CNTNAP4: variants seen among roughly 807,000 people sequenced by gnomAD.
CNTNAP4 encodes the protein contactin associated protein family member 4, also known as contactin-associated protein-like 4.
Under a neutral mutation model 148.4 loss-of-function variants are expected in CNTNAP4, and 98 were observed. The observed-to-expected ratio is 0.66, with a 90% CI of 0.56 to 0.78. CNTNAP4 has a LOEUF of 0.78. CNTNAP4 is among the 30% of genes least tolerant of loss of function. CNTNAP4 has a pLI of 0.00. For synonymous variants in CNTNAP4, 730 were observed against 565.1 expected (o/e 1.29, Z -4.14); for missense variants, 1,935 against 1,565.6 (o/e 1.24, Z -3.98).
chr16:76,325,592 A>G (rs1223640489), intron 2 of CNTNAP4, among the ~76,000 whole-genome samples: 1 of 152,186 alleles, frequency 6.6e-6, no homozygotes, highest in Admixed American at 6.5e-5. Context: ...ACTGAATGAT[A>G]AGAAAATACT....
intron 1 of CNTNAP4, among the ~76,000 whole-genome samples, chr16:76,280,468 A>T (rs544274384): frequency 1.3e-5 from 2 of 152,284 alleles, no homozygotes; most frequent in South Asian, 4.1e-4. Flanking sequence ...GTATATGTGT[A>T]TGTAGATATC....
At position 76,313,851 on chromosome 16, in the gene CNTNAP4, C is replaced by T. The variant is rs1179663040; in HGVS notation, c.86-2562C>T. Reference sequence around the variant, plus strand: ...TTAATGAAAACATTTGGGACAATAACCCTGTATAATTTTAAATTATAGAAT... The same window carrying T: ...TTAATGAAAACATTTGGGACAATAATCCTGTATAATTTTAAATTATAGAAT... On this transcript the variant is annotated intron_variant, in intron 1 of 23. Coordinates refer to ENST00000611870, the MANE Select transcript of CNTNAP4 (RefSeq NM_033401.5). 5.9e-5 allele frequency among the ~76,000 whole-genome samples: 9 copies of T among 152,042 alleles called. No homozygotes were observed. The East Asian group carries it at 1.2e-3, about 20-fold the overall frequency.
rs187938219 is a variant in CNTNAP4, at chr16:76,488,371, G to A, written c.1883-1315G>A. ...TGAAGGGTGAACTGAAATGCAAGGG[G>A]GAAATACAAAAATAACAGCTATTGT... is the stretch of plus-strand genomic sequence containing the variant. On this transcript the variant is annotated intron_variant, in intron 12 of 23. Coordinates refer to ENST00000611870, the MANE Select transcript of CNTNAP4 (RefSeq NM_033401.5). Among the ~76,000 whole-genome samples, 383 of 152,150 alleles carry A rather than the reference G, an allele frequency of 2.5e-3. 1 individual carries two copies. Among genetic ancestry groups the A allele is most frequent in the African/African-American group, 8.9e-3 (369 of 41,502 alleles).
intron 3 of CNTNAP4, among the ~76,000 whole-genome samples, chr16:76,418,505 A>C (rs2079067876): frequency 6.6e-6 from 1 of 151,308 alleles, no homozygotes; most frequent in Non-Finnish European, 1.5e-5. Flanking sequence ...GGCATTCTTC[A>C]CTTCTGTTCC....
chr16:76,417,210 A>G (rs959277869), intron 3 of CNTNAP4, among the ~76,000 whole-genome samples: 2 of 151,452 alleles, frequency 1.3e-5, no homozygotes, highest in African/African-American at 2.4e-5. Flanking sequence ...TCAAGTGATT[A>G]TTGATATATT....
At chr16:76,465,751 C>T (rs1327868924) in intron 9 of CNTNAP4, among the ~76,000 whole-genome samples, 1 of 152,002 alleles carries the variant, frequency 6.6e-6, no homozygotes, top group East Asian at 1.9e-4. Context: ...GTGTGTAGTA[C>T]CATGTACAAT....
intron 2 of CNTNAP4, among the ~76,000 whole-genome samples, chr16:76,353,325 A>C (rs1358858533): frequency 1.3e-5 from 2 of 152,214 alleles, no homozygotes; most frequent in African/African-American, 4.8e-5. Flanking sequence ...CCATCAAGAG[A>C]GGAGCTTCTT....
In CNTNAP4 at chr16:76,462,094, A is replaced by T. The variant is rs999373724; in HGVS notation, c.1472A>T (p.Tyr491Phe). 1 of 1,613,174 alleles carries T rather than the reference A, an allele frequency of 6.2e-7. No homozygotes were observed. The highest frequency in any genetic ancestry group is 8.5e-7 in the Non-Finnish European group (1 of 1,179,528). ...GPEQIYSGGT[Y>F]YFGGCPDKSF... ...GAGCAGATTTATTCGGGTGGCACCT[A>T]TTATTTTGGAGGTAAGAATAGGTGC... is the stretch of plus-strand genomic sequence containing the variant. The change falls in exon 9 of 24, where the codon TAT (tyrosine) becomes TTT (phenylalanine). Residue 491 changes from tyrosine (Y) to phenylalanine (F), a missense_variant. By Grantham distance (22) the Tyr-to-Phe change is conservative. Coordinates refer to ENST00000611870, the MANE Select transcript of CNTNAP4 (RefSeq NM_033401.5).
chr16:76,448,137 C>T lies in CNTNAP4; in HGVS notation c.664C>T (p.Leu222Phe), dbSNP rs777774740. 3 of 1,613,270 alleles carry T rather than the reference C, an allele frequency of 1.9e-6. No homozygotes were observed. The highest frequency in any genetic ancestry group is 1.1e-5 in the South Asian group (1 of 91,082). Residue 222 changes from leucine (L) to phenylalanine (F), a missense_variant, in exon 5 of 24, where the codon CTC becomes TTC. Coordinates refer to ENST00000611870, the MANE Select transcript of CNTNAP4 (RefSeq NM_033401.5). ...AACCATGCAGAGTGATGGGATTCTACTCCACAGGGAAGGGCCAAATGGAGA... is the reference window on the plus strand; with the variant it reads ...AACCATGCAGAGTGATGGGATTCTATTCCACAGGGAAGGGCCAAATGGAGA... ...FKTMQSDGIL[L>F]HREGPNGDHI...
intron 3 of CNTNAP4, among the ~76,000 whole-genome samples, chr16:76,371,213 C>G (rs1359943600): frequency 6.6e-6 from 1 of 152,224 alleles, no homozygotes; most frequent in East Asian, 1.9e-4. Flanking sequence ...ACATCTTACA[C>G]ATGAGCTCCA....
chr16:76,312,146 A>G (rs1961191972), intron 1 of CNTNAP4, among the ~76,000 whole-genome samples: 1 of 152,146 alleles, frequency 6.6e-6, no homozygotes. Flanking sequence ...CCTTGGCACT[A>G]TTGACATTTG....
intron 17 of CNTNAP4, among the ~76,000 whole-genome samples, chr16:76,530,239 C>G (rs1297325146): frequency 2.0e-5 from 3 of 151,614 alleles, no homozygotes; most frequent in Non-Finnish European, 4.4e-5. Flanking sequence ...TTTTTATATG[C>G]TAAAATGTAG....
chr16:76,541,770 G>C (rs1241483938), intron 21 of CNTNAP4, among the ~76,000 whole-genome samples: 2 of 152,174 alleles, frequency 1.3e-5, no homozygotes, highest in African/African-American at 2.4e-5. Context: ...CAAGTGCTAT[G>C]ATGAGCACCA....
rs183902996 is a variant in CNTNAP4, at chr16:76,359,843, A to T, written c.390+4332A>T. Among the ~76,000 whole-genome samples, 158 of 152,346 alleles carry T rather than the reference A, an allele frequency of 1.0e-3. 1 individual carries two copies. The highest frequency in any genetic ancestry group is 3.8e-3 in the African/African-American group (156 of 41,576). On this transcript the variant is annotated intron_variant, in intron 3 of 23. Transcript: ENST00000611870. ...ATGATTGAAAAAGTAAACATAAGGT[A>T]TAATTTTCACTCACTTAAGAACAAT...
chr16:76,451,776 T>C (rs996622490), intron 7 of CNTNAP4, among the ~76,000 whole-genome samples: 1 of 151,994 alleles, frequency 6.6e-6, no homozygotes, highest in East Asian at 1.9e-4. Context: ...TACAAAAATA[T>C]GATTAGAAAG....
At chr16:76,409,763 G>A (rs1322891334) in intron 3 of CNTNAP4, among the ~76,000 whole-genome samples, 1 of 151,900 alleles carries the variant, frequency 6.6e-6, no homozygotes, top group Non-Finnish European at 1.5e-5. Flanking sequence ...AAAGCATATA[G>A]AGAGGCGTTG....
chr16:76,327,550 T>A (rs933563907), intron 2 of CNTNAP4, among the ~76,000 whole-genome samples: 12 of 152,160 alleles, frequency 7.9e-5, no homozygotes, highest in Non-Finnish European at 1.2e-4. Context: ...CTAAACCCTG[T>A]CTCTCTCTCA....
intron 20 of CNTNAP4, among the ~76,000 whole-genome samples, chr16:76,540,083 C>T (rs181418607): frequency 1.2e-4 from 18 of 152,108 alleles, no homozygotes; most frequent in African/African-American, 4.3e-4. Context: ...TGTTTCTGCT[C>T]AGAAGGAAAA....
chr16:76,357,904 C>T (rs892416079), intron 3 of CNTNAP4, among the ~76,000 whole-genome samples: 1 of 152,190 alleles, frequency 6.6e-6, no homozygotes, highest in Non-Finnish European at 1.5e-5. Flanking sequence ...TGGTATCCAA[C>T]ATCCAGTGTG....
Sources: allele counts gnomAD v4.1 joint callset (sites outside exome capture counted in the v4.1 genomes callset), GRCh38; gene constraint gnomAD v4.1.1; transcripts MANE v1.5; gene names NCBI Gene and HGNC (gene_info 2026-07-23, HGNC 2026-07-21).